Variants in PRELID2 observed in about 807,000 individuals in gnomAD.
PRELID2 encodes the protein PRELI domain-containing protein 2.
In PRELID2, 25 loss-of-function variants were observed where a neutral mutation model predicts 28.4. The ratio of observed to expected loss-of-function variants is 0.88; its 90% CI spans 0.64 to 1.23. The LOEUF is 1.23. Among genes scored for constraint, PRELID2 ranks in the 50% most tolerant of loss-of-function variants. The probability of loss-of-function intolerance (pLI) is 0.00; values close to 1 mark genes in which losing one functional copy is unlikely to be tolerated. For missense variants in PRELID2, 201 were observed against 214.4 expected (o/e 0.94, Z 0.39); for synonymous variants, 76 against 71.6 (o/e 1.06, Z -0.31).
the PRELID2 span, among the ~76,000 whole-genome samples, chr5:145,337,703 A>G: frequency 5.4e-4 from 19 of 35,406 alleles, no homozygotes; most frequent in African/African-American, 2.3e-3. Context: ...ATATATATAT[A>G]TATATATATA....
At chr5:145,537,510 C>T (rs779580373) in intron 1 of PRELID2, among the ~76,000 whole-genome samples, 11 of 151,858 alleles carry the variant, frequency 7.2e-5, no homozygotes, top group Non-Finnish European at 1.2e-4. Flanking sequence ...TGATAGTAGC[C>T]ATTCCAACAG....
chr5:145,742,264 T>G (rs932110365), intron 1 of PRELID2, among the ~76,000 whole-genome samples: 5 of 140,872 alleles, frequency 3.5e-5, no homozygotes, highest in Non-Finnish European at 3.1e-5. Flanking sequence ...AAATATATAT[T>G]TTTAATACAA....
chr5:145,767,856 T>A (rs138807115), intron 5 of PRELID2, among the ~76,000 whole-genome samples: 2 of 152,198 alleles, frequency 1.3e-5, no homozygotes, highest in African/African-American at 2.4e-5. Flanking sequence ...AGTCTTGGAA[T>A]TGATGAAACA....
intron 1 of PRELID2, among the ~76,000 whole-genome samples, chr5:145,602,877 C>A (rs544780328): frequency 1.3e-5 from 2 of 152,120 alleles, no homozygotes; most frequent in South Asian, 4.2e-4. Context: ...CAAGGTGAAA[C>A]CCCGTCTCTA....
At chr5:145,738,350 G>A (rs1756555623) in intron 1 of PRELID2, among the ~76,000 whole-genome samples, 1 of 152,096 alleles carries the variant, frequency 6.6e-6, no homozygotes, top group Non-Finnish European at 1.5e-5. Flanking sequence ...GGCAAGCAAT[G>A]GATGCCAACA....
rs540490106 is a variant in PRELID2, at chr5:145,474,828, G to A, written n.71-1513C>T. Among the ~76,000 whole-genome samples the A allele has an allele frequency of 1.1e-4, 17 of 152,140 alleles. No individual in the cohort carries two copies. The East Asian group carries it at 3.3e-3, about 29-fold the overall frequency. ...GTACTCTATCTGTGGCAGGATCATT[G>A]ACAAAAAAATAGTCTAGTGGTGATA... On this transcript the variant is annotated intron_variant and non_coding_transcript_variant, in intron 1 of 2. Coordinates refer to the PRELID2 transcript ENST00000510259.
the PRELID2 span, among the ~76,000 whole-genome samples, chr5:145,387,401 G>A: frequency 6.6e-6 from 1 of 152,070 alleles, no homozygotes; most frequent in Non-Finnish European, 1.5e-5. Context: ...GAAGAAGTGA[G>A]GGTAATGTGG....
At chr5:145,742,531 C>CA (rs70998035) in intron 1 of PRELID2, among the ~76,000 whole-genome samples, 15 of 107,608 alleles carry the variant, frequency 1.4e-4, no homozygotes, top group African/African-American at 3.5e-4. Flanking sequence ...CAAGGGATAC[C>CA]AAAAAAAAAA....
intron 1 of PRELID2, among the ~76,000 whole-genome samples, chr5:145,547,398 T>C (rs1278867041): frequency 6.6e-6 from 1 of 152,162 alleles, no homozygotes; most frequent in East Asian, 1.9e-4. Context: ...CGGCCTTTCC[T>C]CAGACTCAGA....
intron 1 of PRELID2, chr5:145,729,009 G>A (rs1419857324): frequency 2.8e-6 from 2 of 705,346 alleles, no homozygotes; most frequent in East Asian, 5.0e-5. Flanking sequence ...CTCCCTCCTG[G>A]CCAAAGTAAC....
intron 1 of PRELID2, among the ~76,000 whole-genome samples, chr5:145,689,758 T>C (rs1246908828): frequency 6.6e-6 from 1 of 152,128 alleles, no homozygotes; most frequent in Non-Finnish European, 1.5e-5. Flanking sequence ...CAGAAGATCA[T>C]GGCAGCCCTA....
the PRELID2 span, among the ~76,000 whole-genome samples, chr5:145,309,873 G>A: frequency 6.6e-6 from 1 of 152,132 alleles, no homozygotes; most frequent in Admixed American, 6.5e-5. Flanking sequence ...TAAGAAAACG[G>A]CTTCCCTTGT....
At chr5:145,830,946 C>T (rs1755542917) in intron 1 of PRELID2, among the ~76,000 whole-genome samples, 1 of 152,148 alleles carries the variant, frequency 6.6e-6, no homozygotes, top group South Asian at 2.1e-4. Flanking sequence ...TAAAATAGAA[C>T]TTCCTCAGTG....
chr5:145,359,430 C>A, the PRELID2 span, among the ~76,000 whole-genome samples: 4 of 152,136 alleles, frequency 2.6e-5, no homozygotes, highest in African/African-American at 9.7e-5. Flanking sequence ...TTTAGGAAGA[C>A]TGTTTAGAAT....
At chr5:145,809,646 A>G (rs1257509636) in intron 4 of PRELID2, among the ~76,000 whole-genome samples, 1 of 152,250 alleles carries the variant, frequency 6.6e-6, no homozygotes, top group African/African-American at 2.4e-5. Context: ...GCTTTTAGAC[A>G]TAGAAAGCTG....
the PRELID2 span, among the ~76,000 whole-genome samples, chr5:145,304,388 T>G: frequency 3.6e-4 from 55 of 152,300 alleles, no homozygotes; most frequent in African/African-American, 1.2e-3. Context: ...TAATCTCACT[T>G]TCGAGAGACA....
At chr5:145,457,322 A>G in the PRELID2 span, among the ~76,000 whole-genome samples, 38 of 152,216 alleles carry the variant, frequency 2.5e-4, no homozygotes, top group Non-Finnish European at 5.0e-4. Flanking sequence ...TATGGAAGCA[A>G]AGATCCTTGA....
At chr5:145,686,848 ATTTTT>A (rs1755047386) in intron 1 of PRELID2, among the ~76,000 whole-genome samples, 1 of 152,098 alleles carries the variant, frequency 6.6e-6, no homozygotes, top group South Asian at 2.1e-4. Context: ...CAAATAAAAA[ATTTTT>A]TCTTTAATTT....
chr5:145,454,747 T>A, the PRELID2 span, among the ~76,000 whole-genome samples: 1 of 152,246 alleles, frequency 6.6e-6, no homozygotes. Context: ...ATGAGCTTTT[T>A]TTCATGTTTG....
Sources: gnomAD v4.1 joint callset for allele counts (sites outside exome capture counted in the v4.1 genomes callset) on GRCh38, gnomAD v4.1.1 for gene constraint, MANE v1.5 for transcripts, NCBI Gene and HGNC (gene_info 2026-07-23, HGNC 2026-07-21) for gene names.